Variants in GLYR1 observed in about 807,000 individuals in gnomAD.
GLYR1 encodes the protein cytokine-like nuclear factor N-PAC.
GLYR1 carries 21 observed loss-of-function variants against 72.7 expected under a neutral mutation model. That is an observed-to-expected ratio of 0.29 (90% confidence interval 0.20 to 0.42). GLYR1 has a LOEUF of 0.42. Among genes scored for constraint, GLYR1 ranks in the 10% least tolerant of loss-of-function variants. GLYR1 has a pLI of 1.00. For missense variants in GLYR1, 594 were observed against 712.1 expected, an observed-to-expected ratio of 0.83 and a Z score of 1.89; for synonymous variants, 392 against 270.2, an observed-to-expected ratio of 1.45 and a Z score of -4.42.
intron 9 of GLYR1, among the ~76,000 whole-genome samples, chr16:4,818,747 T>C (rs1445891345): frequency 6.6e-6 from 1 of 152,172 alleles, no homozygotes; most frequent in Non-Finnish European, 1.5e-5. Flanking sequence ...CTTCCCGTTA[T>C]CAACAGAATG....
chr16:4,846,909 G>A (rs1242267188), intron 1 of GLYR1: 2 of 431,280 alleles, frequency 4.6e-6, no homozygotes, highest in Non-Finnish European at 8.2e-6. Context: ...AGACCCCGGG[G>A]ACCGGTCGTC....
In GLYR1 at chr16:4,805,715, T is replaced by C. The variant is rs528333499; in HGVS notation, c.1588-405A>G. ...AATTAGGGCCAGGCGCAGTGGCTCA[T>C]GCCTGTAATCCCAGCACTTTAGGAG... On this transcript the variant is annotated intron_variant, in intron 15 of 15. Coordinates refer to ENST00000321919, the MANE Select transcript of GLYR1 (RefSeq NM_032569.4). Among the ~76,000 whole-genome samples the C allele has an allele frequency of 1.1e-4, 17 of 152,158 alleles. No homozygotes were observed. The East Asian group carries it at 1.2e-3, about 10-fold the overall frequency.
intron 14 of GLYR1, 51 bp downstream of exon 14, chr16:4,811,572 C>T (rs773316228): frequency 1.2e-6 from 2 of 1,601,462 alleles, no homozygotes; most frequent in Admixed American, 1.7e-5. Context: ...GACCTAGTAC[C>T]CTGCTCTAAT....
In GLYR1 at chr16:4,811,195, G is replaced by T; in HGVS notation, c.1562C>A (p.Thr521Asn). 6.2e-7 allele frequency: 1 copy of T among 1,614,102 alleles called. No homozygotes were observed. The highest frequency in any genetic ancestry group is 8.5e-7 in the Non-Finnish European group (1 of 1,180,022). ...IALGDAVNHPTPMAAAANEVY... is the reference protein window; with the variant it reads ...IALGDAVNHPNPMAAAANEVY... ...CTCATTTGCTGCAGCTGCCATGGGA[G>T]TCGGATGGTTGACCGCATCACCCAG... Residue 521 changes from threonine (T) to asparagine (N), a missense_variant, in exon 15 of 16, where the codon ACT becomes AAT. Around this residue, in one of 5 missense-constraint regions of GLYR1, gnomAD observed 266 missense variants for 358.4 expected, o/e 0.74. Transcript: ENST00000321919.
At chr16:4,823,986 GA>G in intron 5 of GLYR1, 79 bp from the exon 6 acceptor site, 10 of 1,178,944 alleles carry the variant, frequency 8.5e-6, no homozygotes, top group Non-Finnish European at 1.3e-5. Flanking sequence ...CAGTCTAAGG[GA>G]AAGTTCAAGC....
At chr16:4,821,287 G>C (rs77896390) in intron 9 of GLYR1, 93 bp downstream of exon 9, 23,800 of 1,264,524 alleles carry the variant, frequency 0.019, 300 homozygotes, top group Non-Finnish European at 0.023. Context: ...GCAATGGCTG[G>C]GACACAACCC....
chr16:4,831,276 G>A (rs939948078), intron 5 of GLYR1, among the ~76,000 whole-genome samples: 1 of 152,154 alleles, frequency 6.6e-6, no homozygotes, highest in Non-Finnish European at 1.5e-5. Flanking sequence ...AATTGGCTCT[G>A]AGACTTTCCC....
chr16:4,827,604 C>T (rs1411082745), intron 5 of GLYR1, among the ~76,000 whole-genome samples: 2 of 149,476 alleles, frequency 1.3e-5, no homozygotes, highest in African/African-American at 5.0e-5. Flanking sequence ...AACAAACAAA[C>T]AAACAAAAAA....
At position 4,828,365 on chromosome 16, in the gene GLYR1, G is replaced by A. The variant is rs958623149; in HGVS notation, c.537+3614C>T. On this transcript the variant is annotated intron_variant, in intron 5 of 15. Transcript: ENST00000321919. ...ATTACAGGCGTGAGCCACCGCGCCC[G>A]GCAAAGGTATGTACATTTTAAAAAG... 3.9e-5 allele frequency among the ~76,000 whole-genome samples: 6 copies of A among 152,024 alleles called. 1 individual carries two copies. Among genetic ancestry groups the A allele is most frequent in the Non-Finnish European group, 5.9e-5 (4 of 67,932 alleles).
At position 4,823,889 on chromosome 16, in the gene GLYR1, ACTCCGG is replaced by A; in HGVS notation, c.550_555del (p.Pro184_Glu185del). 6.2e-7 allele frequency: 1 copy of A among 1,613,838 alleles called. No individual in the cohort carries two copies. On this transcript the variant is annotated inframe_deletion, in exon 6 of 16. Transcript: ENST00000321919. ...GCCATCATCCCCTTCACGGTACTAG[ACTCCGG>A]GATGGTGAGATCCTATAGAGGGAGG...
At chr16:4,805,454 C>A in intron 15 of GLYR1, 144 bp from the exon 16 acceptor site, 4 of 694,752 alleles carry the variant, frequency 5.8e-6, no homozygotes, top group Admixed American at 2.1e-5. Context: ...GTTGACCTTG[C>A]ATGAAGCACC....
In GLYR1 at chr16:4,812,134, C is replaced by A; in HGVS notation, c.1234G>T (p.Asp412Tyr). The change falls in exon 13 of 16, where the codon GAC becomes TAC. Residue 412 changes from aspartate (D) to tyrosine (Y), a missense_variant. Asp to Tyr is a radical substitution (Grantham distance 160, BLOSUM62 -3). Around this residue, in one of 5 missense-constraint regions of GLYR1, gnomAD observed 266 missense variants for 358.4 expected, o/e 0.74. Transcript: ENST00000321919. Reference sequence around the variant, plus strand: ...ATCGCCTGGAAGCAGCTGCTGCAGTCCTCATATAAGCCCCTGTCTCCAGCC... The same window carrying A: ...ATCGCCTGGAAGCAGCTGCTGCAGTACTCATATAAGCCCCTGTCTCCAGCC... ...LAAGDRGLYEDCSSCFQAMGK... is the reference protein window; with the variant it reads ...LAAGDRGLYEYCSSCFQAMGK... 6.2e-7 allele frequency: 1 copy of A among 1,614,200 alleles called. No homozygotes were observed. The highest frequency in any genetic ancestry group is 8.5e-7 in the Non-Finnish European group (1 of 1,180,032).
chr16:4,846,655 G>A (rs573101771), intron 1 of GLYR1: 2 of 249,832 alleles, frequency 8.0e-6, no homozygotes, highest in African/African-American at 2.2e-5. Flanking sequence ...CGGTTGTCTG[G>A]GACACAGAAG....
chr16:4,813,974 T>C, intron 11 of GLYR1, 136 bp from the exon 12 acceptor site: 1 of 616,844 alleles, frequency 1.6e-6, no homozygotes, highest in Middle Eastern at 3.7e-4. Context: ...GGAAGAACAA[T>C]GAAATAAGCA....
Position 4,803,566 on chromosome 16 carries a change from C to T in GLYR1, c.*1670G>A, listed in dbSNP as rs1191331833. On this transcript the variant is annotated 3_prime_UTR_variant, in exon 16 of 16. Transcript: ENST00000321919. ...TGACTAACCGGTTTCATTACCGCAT[C>T]TTCCCCCGCCCCCACCCCCAGTGTG... The T allele has an allele frequency of 6.6e-6, 1 of 152,470 alleles. No homozygotes were observed. The highest frequency in any genetic ancestry group is 2.4e-5 in the African/African-American group (1 of 41,390). 9.4% of individuals were successfully genotyped at this position (152,470 alleles called of 1,614,324 possible). A position where few individuals can be genotyped will look rare whatever the true frequency, so the allele number is the denominator to read the frequency against.
rs2082882278 is a variant in GLYR1 at position 4,804,933 on chromosome 16, C to CCGTG, written c.*302_*303insCACG. 6.9e-6 allele frequency: 2 copies of CCGTG among 288,090 alleles called. No individual in the cohort carries two copies. Among genetic ancestry groups the CCGTG allele is most frequent in the Non-Finnish European group, 6.7e-6 (1 of 148,364 alleles). 17.8% of individuals were successfully genotyped at this position (288,090 alleles called of 1,614,324 possible). A position where few individuals can be genotyped will look rare whatever the true frequency, so the allele number is the denominator to read the frequency against. On this transcript the variant is annotated 3_prime_UTR_variant, in exon 16 of 16. Coordinates refer to ENST00000321919, the MANE Select transcript of GLYR1 (RefSeq NM_032569.4). The stretch of plus-strand genomic sequence containing the variant: ...GCAGCTTCTATCCTGGGGCGAGAGC[C>CCGTG]TGTGTGTGTGTGTGTGTGTGTGTGT...
intron 3 of GLYR1, among the ~76,000 whole-genome samples, chr16:4,837,569 AAAGAG>A (rs2142031692): frequency 1.3e-5 from 2 of 152,208 alleles, no homozygotes; most frequent in South Asian, 2.1e-4. Context: ...AAGCTAAGAG[AAAGAG>A]AAAAGGAGAA....
chr16:4,822,741 G>C, intron 7 of GLYR1, 134 bp downstream of exon 7: 1 of 731,118 alleles, frequency 1.4e-6, no homozygotes, highest in Non-Finnish European at 2.4e-6. Flanking sequence ...GCCCATATGG[G>C]GGCTTCTGGG....
chr16:4,828,805 G>C (rs1181501607), intron 5 of GLYR1, among the ~76,000 whole-genome samples: 3 of 152,072 alleles, frequency 2.0e-5, no homozygotes, highest in Admixed American at 6.5e-5. Context: ...AAGGTGCTTT[G>C]CTAAGGTCCT....
Sources: gnomAD v4.1 joint callset for allele counts (sites outside exome capture counted in the v4.1 genomes callset) on GRCh38, gnomAD v4.1.1 for gene constraint, gnomAD v4.1.1 regional missense constraint, MANE v1.5 for transcripts, NCBI Gene and HGNC (gene_info 2026-07-23, HGNC 2026-07-21) for gene names.